The following DNAI2 variants were observed in gnomAD, a reference collection of about 807,000 sequenced individuals.
DNAI2 encodes dynein, axonemal, intermediate polypeptide 2.
Under a neutral mutation model 74.7 loss-of-function variants are expected in DNAI2, and 63 were observed. The ratio of observed to expected loss-of-function variants is 0.84; its 90% CI spans 0.69 to 1.04. DNAI2 has a LOEUF of 1.04. DNAI2 is among the 50% of genes least tolerant of loss of function. The pLI, the probability that DNAI2 is intolerant of heterozygous loss-of-function variation, is 0.00. For synonymous variants in DNAI2, 289 were observed against 314.9 expected, an observed-to-expected ratio of 0.92 and a Z score of 0.87; for missense variants, 688 against 803.2, an observed-to-expected ratio of 0.86 and a Z score of 1.73.
chr17:74,291,463 C>T (rs1300059196), intron 6 of DNAI2, among the ~76,000 whole-genome samples: 3 of 152,208 alleles, frequency 2.0e-5, no homozygotes, highest in Non-Finnish European at 4.4e-5. Flanking sequence ...CACACCTGGC[C>T]GGGACCCAGA....
intron 8 of DNAI2, 109 bp downstream of exon 8, chr17:74,301,277 AG>A: frequency 6.5e-7 from 1 of 1,542,102 alleles, no homozygotes. Flanking sequence ...GCACCAGCCC[AG>A]GGAGGCCACC....
At chr17:74,283,252 T>C (rs1170013777) in intron 2 of DNAI2, among the ~76,000 whole-genome samples, 1 of 152,178 alleles carries the variant, frequency 6.6e-6, no homozygotes, top group Admixed American at 6.5e-5. Context: ...GCTGCTGCAG[T>C]GTACGCTTTA....
intron 9 of DNAI2, 111 bp downstream of exon 9, chr17:74,305,553 C>A: frequency 1.0e-6 from 1 of 971,368 alleles, no homozygotes; most frequent in Non-Finnish European, 1.5e-6. Flanking sequence ...TGGAGAAAAA[C>A]CTTTCCACAA....
chr17:74,301,941 AGG>A (rs1471175390), intron 8 of DNAI2, among the ~76,000 whole-genome samples: 1 of 22,432 alleles, frequency 4.5e-5, no homozygotes, highest in African/African-American at 1.9e-4. Context: ...GAAGGAAGGA[AGG>A]AAGGAAGGAA....
chr17:74,309,490 C>T (rs760849588), intron 10 of DNAI2, 102 bp downstream of exon 10: 1 of 1,548,098 alleles, frequency 6.5e-7, no homozygotes, highest in South Asian at 1.1e-5. Flanking sequence ...AGTGTGTGGC[C>T]AGGTGTGTTT....
intron 3 of DNAI2, 99 bp from the exon 4 acceptor site, chr17:74,286,878 C>G (rs1467082727): frequency 6.5e-7 from 1 of 1,530,090 alleles, no homozygotes; most frequent in African/African-American, 1.4e-5. Context: ...TGGGAAAAGC[C>G]CCTGGCTATG....
At chr17:74,302,761 C>T (rs796636830) in intron 8 of DNAI2, among the ~76,000 whole-genome samples, 33 of 152,218 alleles carry the variant, frequency 2.2e-4, no homozygotes, top group African/African-American at 8.0e-4. Flanking sequence ...AGGCCTGGTT[C>T]CCCCTTGGGG....
Position 74,285,166 on chromosome 17 carries a change from G to A in DNAI2, c.310G>A (p.Glu104Lys). The change falls in exon 3 of 14, where the codon GAG becomes AAG. Residue 104 changes from glutamate to lysine, a missense_variant. Physicochemically the swap from Glu to Lys is moderately conservative, Grantham distance 56 (BLOSUM62 1). Coordinates refer to ENST00000311014, the MANE Select transcript of DNAI2 (RefSeq NM_023036.6). ...IRFRKKVEKD[E>K]NYVNAIMQLG... ...TTTCCGGAAGAAAGTGGAGAAAGAT[G>A]AGAACTACGTTAACGCCATCATGCA... is the stretch of plus-strand genomic sequence containing the variant. 6.2e-7 allele frequency: 1 copy of A among 1,614,220 alleles called. No individual in the cohort carries two copies. The highest frequency in any genetic ancestry group is 8.5e-7 in the Non-Finnish European group (1 of 1,180,040).
chr17:74,286,357 G>A (rs1344278256), intron 3 of DNAI2, among the ~76,000 whole-genome samples: 1 of 144,246 alleles, frequency 6.9e-6, no homozygotes, highest in Non-Finnish European at 1.5e-5. Flanking sequence ...GTCTAGCATG[G>A]TGTTCTTCAA....
In DNAI2 at chr17:74,275,599, C is replaced by T. The variant is rs149487924; in HGVS notation, c.-12+1254C>T. Among the ~76,000 whole-genome samples, 17 of 152,194 alleles carry T rather than the reference C, an allele frequency of 1.1e-4. No homozygotes were observed. The East Asian group carries it at 1.4e-3, about 12-fold the overall frequency. ...AATTCTGGCCGGGTGCAGTGGCTCA[C>T]GCCTGTAGTCCCAGCTACTCGGCAG... On this transcript the variant is annotated intron_variant, in intron 1 of 13. Transcript: ENST00000311014.
intron 11 of DNAI2, 87 bp downstream of exon 11, chr17:74,310,250 C>T: frequency 1.3e-6 from 2 of 1,487,324 alleles, no homozygotes; most frequent in Non-Finnish European, 1.8e-6. Flanking sequence ...AAATAGATGG[C>T]CCCGCCCTCC....
At chr17:74,284,966 C>CTGGCTTGCAGAAG (rs2051622632) in intron 2 of DNAI2, 74 bp from the exon 3 acceptor site, 4 of 1,603,590 alleles carry the variant, frequency 2.5e-6, no homozygotes, top group Non-Finnish European at 3.4e-6. Context: ...CCCGTGGGAC[C>CTGGCTTGCAGAAG]TGGCTTGCAG....
intron 6 of DNAI2, among the ~76,000 whole-genome samples, chr17:74,293,054 C>T (rs1335928928): frequency 2.0e-5 from 3 of 151,882 alleles, no homozygotes; most frequent in Non-Finnish European, 2.9e-5. Flanking sequence ...AGGATGGTCT[C>T]GATCTCCTGA....
rs147334896 is a variant in DNAI2, at chr17:74,305,288, G to A, written c.1057G>A (p.Ala353Thr). The A allele has an allele frequency of 8.1e-6, 13 of 1,614,132 alleles. No homozygotes were observed. The African/African-American group carries it at 1.7e-4, about 22-fold the overall frequency. The change falls in exon 9 of 14, where the codon GCT becomes ACT. Residue 353 changes from alanine (A) to threonine (T), a missense_variant. Ala to Thr is a moderately conservative substitution (Grantham distance 58). Transcript: ENST00000311014. The stretch of plus-strand genomic sequence containing the variant: ...CTGCAACCGCAAGGCCAAGACGTCA[G>A]CTGAAAAGATTGTGTGCACCTTCCC... Reference protein sequence around the residue: ...ISCNRKAKTSAEKIVCTFPGH... With the variant: ...ISCNRKAKTSTEKIVCTFPGH...
intron 2 of DNAI2, among the ~76,000 whole-genome samples, chr17:74,284,221 TAAA>T (rs57863144): frequency 9.9e-5 from 14 of 140,872 alleles, no homozygotes; most frequent in Admixed American, 1.4e-4. Context: ...GACCCTCTCT[TAAA>T]AAAAAAAAAA....
intron 1 of DNAI2, among the ~76,000 whole-genome samples, chr17:74,277,392 A>C (rs2051150283): frequency 6.6e-6 from 1 of 151,994 alleles, no homozygotes; most frequent in Non-Finnish European, 1.5e-5. Flanking sequence ...CTCAAAAAAA[A>C]AAAAAAAAAG....
chr17:74,274,942 C>T (rs935203621), intron 1 of DNAI2, among the ~76,000 whole-genome samples: 7 of 152,212 alleles, frequency 4.6e-5, no homozygotes, highest in African/African-American at 1.4e-4. Context: ...ACCACATTCT[C>T]TTGAACCACA....
chr17:74,284,089 G>A lies in DNAI2; in HGVS notation c.184-951G>A, dbSNP rs2051547525. Reference sequence around the variant, plus strand: ...GGAGGCGAAGGTTGCAGTGAGCCGAGATTCCGCCATTGCATTCCAGCCTGG... The same window carrying A: ...GGAGGCGAAGGTTGCAGTGAGCCGAAATTCCGCCATTGCATTCCAGCCTGG... On this transcript the variant is annotated intron_variant, in intron 2 of 13. Transcript: ENST00000311014. Among the ~76,000 whole-genome samples the A allele has an allele frequency of 2.7e-5, 4 of 147,658 alleles. No individual in the cohort carries two copies. The South Asian group carries it at 8.6e-4, about 32-fold the overall frequency.
chr17:74,298,560 G>A (rs1008113351), intron 6 of DNAI2, among the ~76,000 whole-genome samples: 3 of 152,086 alleles, frequency 2.0e-5, no homozygotes, highest in Non-Finnish European at 2.9e-5. Flanking sequence ...ACCTGCCTCA[G>A]CCTCCCAAAG....
Sources: allele counts gnomAD v4.1 joint callset (sites outside exome capture counted in the v4.1 genomes callset), GRCh38; gene constraint gnomAD v4.1.1; transcripts MANE v1.5; gene names NCBI Gene and HGNC (gene_info 2026-07-23, HGNC 2026-07-21).